HDAC9: variants seen among roughly 807,000 people sequenced by gnomAD.
HDAC9 encodes the protein MEF-2 interacting transcription repressor (MITR) protein.
Under a neutral mutation model 139.4 loss-of-function variants are expected in HDAC9, and 41 were observed. The ratio of observed to expected loss-of-function variants is 0.29; its 90% CI spans 0.23 to 0.38. The LOEUF (loss-of-function observed/expected upper bound fraction) is 0.38. Ranked by LOEUF, HDAC9 falls within the 10% of genes least tolerant of loss-of-function variation. The pLI is 1.00. For missense variants in HDAC9, 1,147 were observed against 1,297.0 expected, an observed-to-expected ratio of 0.88 and a Z score of 1.78; for synonymous variants, 517 against 476.2, an observed-to-expected ratio of 1.09 and a Z score of -1.12.
chr7:18,378,074 G>A (rs1785133802), intron 1 of HDAC9, among the ~76,000 whole-genome samples: 2 of 152,134 alleles, frequency 1.3e-5, no homozygotes, highest in African/African-American at 2.4e-5. Context: ...AAAATGAAGT[G>A]CTCGAAGGGT....
At chr7:18,749,892 T>C (rs894978) in intron 14 of HDAC9, among the ~76,000 whole-genome samples, 51,925 of 151,988 alleles carry the variant, frequency 0.34, 10,900 homozygotes, top group East Asian at 0.66. Context: ...AAAATGCCCT[T>C]CATGGGTTTT....
chr7:18,466,146 G>A (rs960843221), intron 1 of HDAC9, among the ~76,000 whole-genome samples: 2 of 152,106 alleles, frequency 1.3e-5, no homozygotes, highest in South Asian at 2.1e-4. Context: ...ATGACCACTC[G>A]CAGCTTCTTG....
chr7:18,491,363 A>C (rs1201353302), upstream of HDAC9, among the ~76,000 whole-genome samples: 2 of 151,988 alleles, frequency 1.3e-5, no homozygotes, highest in Non-Finnish European at 2.9e-5. Flanking sequence ...CACCAGTATA[A>C]CAGTTATGAT....
At chr7:18,730,621 C>T (rs1354408168) in intron 13 of HDAC9, among the ~76,000 whole-genome samples, 1 of 152,128 alleles carries the variant, frequency 6.6e-6, no homozygotes, top group African/African-American at 2.4e-5. Context: ...TGTCTTCCAC[C>T]CATAAATTTA....
chr7:18,846,899 T>C (rs1419841415), intron 21 of HDAC9, among the ~76,000 whole-genome samples: 1 of 152,200 alleles, frequency 6.6e-6, no homozygotes, highest in Non-Finnish European at 1.5e-5. Context: ...TTGGCTCTAA[T>C]GAAATCCAGA....
At chr7:18,830,856 A>G (rs1215487082) in intron 19 of HDAC9, among the ~76,000 whole-genome samples, 1 of 152,238 alleles carries the variant, frequency 6.6e-6, no homozygotes, top group Non-Finnish European at 1.5e-5. Context: ...AAGATGTTAC[A>G]ATTTTACAAA....
intron 25 of HDAC9, among the ~76,000 whole-genome samples, chr7:18,983,463 T>A (rs973885602): frequency 2.0e-5 from 3 of 152,208 alleles, no homozygotes; most frequent in Non-Finnish European, 2.9e-5. Flanking sequence ...TTGGATGATA[T>A]ATACCCAGAA....
intron 6 of HDAC9, among the ~76,000 whole-genome samples, chr7:18,595,609 A>G (rs1312516492): frequency 6.6e-6 from 1 of 152,040 alleles, no homozygotes; most frequent in Non-Finnish European, 1.5e-5. Context: ...AAAGGAAAGA[A>G]AAATATGGAT....
At chr7:18,648,728 A>C in intron 11 of HDAC9, 45 bp downstream of exon 11, 1 of 1,520,194 alleles carries the variant, frequency 6.6e-7, no homozygotes, top group South Asian at 1.2e-5. Context: ...GCCAGTTTGG[A>C]AATTGGGTAT....
At chr7:18,227,451 C>G (rs1793133672) in intron 2 of HDAC9, among the ~76,000 whole-genome samples, 1 of 152,084 alleles carries the variant, frequency 6.6e-6, no homozygotes, top group South Asian at 2.1e-4. Context: ...ATTGAACTTG[C>G]TAAAATTGCA....
chr7:18,813,800 TA>T (rs1383999043), intron 17 of HDAC9, among the ~76,000 whole-genome samples: 1 of 152,162 alleles, frequency 6.6e-6, no homozygotes, highest in Non-Finnish European at 1.5e-5. Context: ...AATAAACACT[TA>T]AAAACTTTGG....
intron 14 of HDAC9, among the ~76,000 whole-genome samples, chr7:18,752,152 A>G (rs1406260747): frequency 6.6e-6 from 1 of 152,116 alleles, no homozygotes; most frequent in East Asian, 1.9e-4. Flanking sequence ...TTTATCAACA[A>G]ATACTTTAGC....
intron 13 of HDAC9, among the ~76,000 whole-genome samples, chr7:18,747,856 T>G (rs887987008): frequency 2.6e-5 from 4 of 152,232 alleles, no homozygotes; most frequent in African/African-American, 4.8e-5. Context: ...TTTCTTCTCT[T>G]GAGTAACATT....
chr7:18,482,786 TG>T (rs904478880), intron 1 of HDAC9, among the ~76,000 whole-genome samples: 1 of 152,154 alleles, frequency 6.6e-6, no homozygotes, highest in African/African-American at 2.4e-5. Flanking sequence ...CTACAGCTCA[TG>T]GGTGTCCTGT....
intron 22 of HDAC9, among the ~76,000 whole-genome samples, chr7:18,882,170 T>C (rs2129257021): frequency 6.6e-6 from 1 of 152,254 alleles, no homozygotes; most frequent in South Asian, 2.1e-4. Context: ...CTATATTCGA[T>C]GTTTCTTGAA....
intron 1 of HDAC9, among the ~76,000 whole-genome samples, chr7:18,415,255 T>C (rs1254721353): frequency 2.0e-5 from 3 of 152,262 alleles, no homozygotes; most frequent in Non-Finnish European, 4.4e-5. Flanking sequence ...TGTGTTTTTC[T>C]GTGTAAACTA....
At chr7:18,156,770 A>C (rs1158746492) in intron 1 of HDAC9, among the ~76,000 whole-genome samples, 1 of 152,242 alleles carries the variant, frequency 6.6e-6, no homozygotes, top group Non-Finnish European at 1.5e-5. Context: ...CAGAGATGAG[A>C]AAGCTGATCT....
At chr7:18,877,244 G>A (rs1799387496) in intron 22 of HDAC9, among the ~76,000 whole-genome samples, 1 of 152,066 alleles carries the variant, frequency 6.6e-6, no homozygotes, top group African/African-American at 2.4e-5. Flanking sequence ...TAGCTCAATA[G>A]TTGTTCCCTA....
chr7:18,771,127 G>A (rs1790253011), intron 16 of HDAC9, among the ~76,000 whole-genome samples: 1 of 152,158 alleles, frequency 6.6e-6, no homozygotes, highest in South Asian at 2.1e-4. Context: ...GGCACGGGCA[G>A]AACTGGGACC....
Sources: gnomAD v4.1 joint callset for allele counts (sites outside exome capture counted in the v4.1 genomes callset) on GRCh38, gnomAD v4.1.1 for gene constraint, MANE v1.5 for transcripts, NCBI Gene and HGNC (gene_info 2026-07-23, HGNC 2026-07-21) for gene names.